Variants in KANSL1 observed in about 807,000 individuals in gnomAD.
The protein encoded by KANSL1 is KAT8 regulatory NSL complex subunit 1.
In KANSL1, 22 loss-of-function variants were observed where a neutral mutation model predicts 103.6. The observed-to-expected ratio is 0.21, with a 90% CI of 0.15 to 0.30. KANSL1 has a LOEUF of 0.30. Among genes scored for constraint, KANSL1 ranks in the 10% least tolerant of loss-of-function variants. The pLI, the probability that KANSL1 is intolerant of heterozygous loss-of-function variation, is 1.00. For missense variants in KANSL1, 1,337 were observed against 1,399.8 expected, an observed-to-expected ratio of 0.96 and a Z score of 0.72; for synonymous variants, 600 against 527.6, an observed-to-expected ratio of 1.14 and a Z score of -1.88.
chr17:46,205,364 A>G (rs2047928490), intron 1 of KANSL1, among the ~76,000 whole-genome samples: 1 of 152,016 alleles, frequency 6.6e-6, no homozygotes, highest in Admixed American at 6.6e-5. Flanking sequence ...TTCCACTTAC[A>G]ATAGCATCCC....
At chr17:46,177,454 A>G (rs898843431) in intron 1 of KANSL1, among the ~76,000 whole-genome samples, 7 of 152,246 alleles carry the variant, frequency 4.6e-5, no homozygotes, top group Non-Finnish European at 8.8e-5. Context: ...AGAAAACTGA[A>G]TGCCAAAAAC....
chr17:46,116,814 C>A (rs746676603), intron 2 of KANSL1, among the ~76,000 whole-genome samples: 2 of 152,176 alleles, frequency 1.3e-5, no homozygotes, highest in Non-Finnish European at 2.9e-5. Context: ...ATTACTTTTC[C>A]CTTTCACAGC....
intron 6 of KANSL1, among the ~76,000 whole-genome samples, chr17:46,053,061 G>A (rs1435517029): frequency 6.7e-6 from 1 of 148,728 alleles, no homozygotes; most frequent in Non-Finnish European, 1.5e-5. Flanking sequence ...GCCAAGGTGG[G>A]TGGATAACCT....
intron 12 of KANSL1, 27 bp from the exon 13 acceptor site, chr17:46,033,219 C>CCT (rs764153172): frequency 7.1e-6 from 11 of 1,544,576 alleles, no homozygotes; most frequent in African/African-American, 2.7e-5. Context: ...TCATCGATCC[C>CCT]CTCTTTTCTC....
At chr17:46,056,147 A>G (rs934364796) in intron 6 of KANSL1, among the ~76,000 whole-genome samples, 1 of 152,052 alleles carries the variant, frequency 6.6e-6, no homozygotes, top group African/African-American at 2.4e-5. Context: ...ACAGGCACCC[A>G]CCACCAAGCC....
intron 2 of KANSL1, among the ~76,000 whole-genome samples, chr17:46,146,951 T>C (rs1224927228): frequency 6.6e-6 from 1 of 151,788 alleles, no homozygotes; most frequent in Non-Finnish European, 1.5e-5. Flanking sequence ...CATCCTTAGG[T>C]AGTTCCAGCT....
At chr17:46,105,944 CA>C (rs1183843767) in intron 2 of KANSL1, among the ~76,000 whole-genome samples, 32 of 56,746 alleles carry the variant, frequency 5.6e-4, no homozygotes, top group East Asian at 3.0e-3. Flanking sequence ...CACACACACA[CA>C]CACCCCCCCA....
chr17:46,122,419 ATACT>A (rs1414197451), intron 2 of KANSL1, among the ~76,000 whole-genome samples: 1 of 152,254 alleles, frequency 6.6e-6, no homozygotes, highest in Non-Finnish European at 1.5e-5. Context: ...TCAGCCATAA[ATACT>A]TAAACAAGTA....
rs750644383 is a variant in KANSL1, at chr17:46,031,536, G to A, written c.3258C>T (p.Val1086=). Residue 1086 remains valine, a synonymous_variant, in exon 15 of 15, where the codon GTC becomes GTT. Coordinates refer to ENST00000432791, the MANE Select transcript of KANSL1 (RefSeq NM_015443.4). ...TEAAPTSPPI[V]PLKSRHLVAA... is the part of the protein sequence containing the mutation. ...CCACCAGATGCCGACTCTTGAGGGG[G>A]ACAATGGGAGGCGAGGTGGGCGCTG... 7 of 1,613,978 alleles carry A rather than the reference G, an allele frequency of 4.3e-6. No homozygotes were observed. Among genetic ancestry groups the A allele is most frequent in the South Asian group, 3.3e-5 (3 of 91,080 alleles).
chr17:46,094,749 A>C, intron 2 of KANSL1, 48 bp from the exon 3 acceptor site: 1 of 1,608,774 alleles, frequency 6.2e-7, no homozygotes, highest in Non-Finnish European at 8.5e-7. Context: ...AGTAATATCT[A>C]TACCAGATTG....
chr17:46,094,829 AAG>A (rs1568441404), intron 2 of KANSL1, 128 bp from the exon 3 acceptor site: 12 of 1,091,178 alleles, frequency 1.1e-5, no homozygotes, highest in South Asian at 3.9e-5. Context: ...AGAAAAACCC[AAG>A]AGAGAGACAA....
chr17:46,216,681 C>G (rs1381739897), intron 1 of KANSL1, among the ~76,000 whole-genome samples: 5 of 151,686 alleles, frequency 3.3e-5, no homozygotes, highest in Admixed American at 1.3e-4. Context: ...AAATAATCTA[C>G]TTCTTTAAGT....
chr17:46,203,590 C>G (rs899045116), intron 1 of KANSL1, among the ~76,000 whole-genome samples: 1 of 152,136 alleles, frequency 6.6e-6, no homozygotes, highest in Non-Finnish European at 1.5e-5. Flanking sequence ...CTCATTGATA[C>G]GTTAAATGAT....
chr17:46,081,293 G>A (rs975626598), intron 4 of KANSL1, among the ~76,000 whole-genome samples: 9 of 152,052 alleles, frequency 5.9e-5, no homozygotes, highest in African/African-American at 2.2e-4. Context: ...CATGTTTCCT[G>A]TACCCATACC....
At chr17:46,076,659 T>C (rs903217793) in intron 4 of KANSL1, among the ~76,000 whole-genome samples, 4 of 141,688 alleles carry the variant, frequency 2.8e-5, no homozygotes, top group African/African-American at 9.8e-5. Flanking sequence ...GTGTCTAACA[T>C]TGACTCTTCT....
At chr17:46,092,296 T>G (rs1032593783) in intron 3 of KANSL1, among the ~76,000 whole-genome samples, 1 of 152,234 alleles carries the variant, frequency 6.6e-6, no homozygotes, top group African/African-American at 2.4e-5. Context: ...TATTTTGATA[T>G]TTTGAAAGTT....
chr17:46,038,530 G>A lies in KANSL1; in HGVS notation c.2541+8C>T. ...GGGGTGTCCGGCCAACCCCACACAG[G>A]TACTTACCGATGTGCTGGCTGTAAC... On this transcript the variant is annotated splice_region_variant and intron_variant, in intron 10 of 14. Transcript: ENST00000432791. The A allele has an allele frequency of 6.2e-7, 1 of 1,613,770 alleles. No homozygotes were observed. The highest frequency in any genetic ancestry group is 8.5e-7 in the Non-Finnish European group (1 of 1,179,822).
At chr17:46,092,730 A>AGG (rs2079454892) in intron 3 of KANSL1, 1 of 31,744 alleles carries the variant, frequency 3.2e-5, no homozygotes, top group South Asian at 8.8e-4. Context: ...GGGGGGGGGG[A>AGG]GGGTGGGTGT....
At chr17:46,188,166 C>T (rs2047119672) in intron 1 of KANSL1, among the ~76,000 whole-genome samples, 1 of 152,194 alleles carries the variant, frequency 6.6e-6, no homozygotes, top group South Asian at 2.1e-4. Context: ...GCAAGTGACA[C>T]CCAAGGATAT....
Sources: gnomAD v4.1 joint callset for allele counts (sites outside exome capture counted in the v4.1 genomes callset) on GRCh38, gnomAD v4.1.1 for gene constraint, MANE v1.5 for transcripts, NCBI Gene and HGNC (gene_info 2026-07-23, HGNC 2026-07-21) for gene names.